The following DNAH14 variants were observed in gnomAD, a reference collection of about 807,000 sequenced individuals.
DNAH14 encodes the protein dynein axonemal heavy chain 14.
In DNAH14, 478 loss-of-function variants were observed where a neutral mutation model predicts 520.9. The observed-to-expected ratio is 0.92, with a 90% CI of 0.85 to 0.99. The LOEUF (loss-of-function observed/expected upper bound fraction) is 0.99. DNAH14 is among the 50% of genes least tolerant of loss of function. DNAH14 has a pLI of 0.00. For missense variants in DNAH14, 4,831 were observed against 5,234.5 expected (o/e 0.92, Z 2.38); for synonymous variants, 1,581 against 1,757.2 (o/e 0.90, Z 2.51).
At chr1:224,943,267 C>T (rs2059551604) in intron 1 of DNAH14, among the ~76,000 whole-genome samples, 1 of 152,134 alleles carries the variant, frequency 6.6e-6, no homozygotes, top group Non-Finnish European at 1.5e-5. Flanking sequence ...TCCATTTCTT[C>T]TAGTTTATTT....
At chr1:225,368,584 T>G (rs2095581115) in intron 77 of DNAH14, among the ~76,000 whole-genome samples, 1 of 152,214 alleles carries the variant, frequency 6.6e-6, no homozygotes, top group African/African-American at 2.4e-5. Flanking sequence ...TATTGCTAAA[T>G]TAAACACGTG....
chr1:225,044,602 A>T (rs1442741663), intron 15 of DNAH14, among the ~76,000 whole-genome samples: 2 of 152,170 alleles, frequency 1.3e-5, no homozygotes, highest in Non-Finnish European at 2.9e-5. Context: ...ATGCTTTGTA[A>T]CTACCACCAC....
At chr1:225,025,905 ATTGAACATCTTTGCATGTGCTT>A (rs1158031765) in intron 11 of DNAH14, among the ~76,000 whole-genome samples, 1 of 152,174 alleles carries the variant, frequency 6.6e-6, no homozygotes, top group Admixed American at 6.6e-5. Flanking sequence ...GACTAATGAT[ATTGAACATCTTTGCATGTGCTT>A]TTTGGCCATT....
intron 17 of DNAH14, among the ~76,000 whole-genome samples, 168 bp downstream of exon 17, chr1:225,051,963 A>G (rs2068580129): frequency 6.6e-6 from 1 of 152,232 alleles, no homozygotes; most frequent in South Asian, 2.1e-4. Flanking sequence ...TTTAATGTGT[A>G]TTACATTTGT....
intron 7 of DNAH14, 52 bp from the exon 8 acceptor site, chr1:224,974,039 T>C: frequency 8.1e-7 from 1 of 1,228,378 alleles, no homozygotes; most frequent in Non-Finnish European, 1.1e-6. Context: ...ATTTATTCCA[T>C]ATAAATACGT....
intron 27 of DNAH14, among the ~76,000 whole-genome samples, chr1:225,138,790 C>G (rs956110722): frequency 6.6e-6 from 1 of 152,244 alleles, no homozygotes; most frequent in African/African-American, 2.4e-5. Flanking sequence ...TGTTGTCCCC[C>G]CTCCCCAACC....
chr1:225,378,607 C>T (rs972571981), intron 79 of DNAH14, among the ~76,000 whole-genome samples: 4 of 152,114 alleles, frequency 2.6e-5, no homozygotes, highest in African/African-American at 7.2e-5. Flanking sequence ...CCTGGCCGGG[C>T]GCGGTGGGCT....
At position 225,023,863 on chromosome 1, in the gene DNAH14, C is replaced by G; in HGVS notation, c.1356C>G (p.Ile452Met). ...FSVEKKNENL[I>M]RTFKDNSFPT... Reference sequence around the variant, plus strand: ...TGGAAAAAAAGAATGAAAATCTTATCAGGTAAATTACTTTTTTGAAGTCAA... The same window carrying G: ...TGGAAAAAAAGAATGAAAATCTTATGAGGTAAATTACTTTTTTGAAGTCAA... Residue 452 changes from isoleucine to methionine, a missense_variant and splice_region_variant, in exon 11 of 86, where the codon ATC becomes ATG. Ile to Met is a conservative substitution (Grantham distance 10). Transcript: ENST00000682510. The G allele has an allele frequency of 6.6e-7, 1 of 1,526,180 alleles. No homozygotes were observed. Among genetic ancestry groups the G allele is most frequent in the Non-Finnish European group, 8.8e-7 (1 of 1,133,364 alleles). 94.5% of individuals were successfully genotyped at this position (1,526,180 alleles called of 1,614,324 possible).
chr1:224,975,754 C>T (rs999675630), intron 8 of DNAH14, among the ~76,000 whole-genome samples: 1 of 151,222 alleles, frequency 6.6e-6, no homozygotes, highest in African/African-American at 2.5e-5. Context: ...TTAGTTATTT[C>T]TTGCCTTCTG....
intron 1 of DNAH14, among the ~76,000 whole-genome samples, chr1:224,936,246 CAT>C (rs953339499): frequency 1.3e-5 from 2 of 151,294 alleles, no homozygotes; most frequent in Non-Finnish European, 3.0e-5. Flanking sequence ...GACTAAAAAA[CAT>C]AGAGGATCAA....
intron 11 of DNAH14, among the ~76,000 whole-genome samples, chr1:225,037,624 A>T (rs575472894): frequency 6.6e-6 from 1 of 152,216 alleles, no homozygotes; most frequent in East Asian, 1.9e-4. Context: ...TCAGTTCTTC[A>T]TCTTTCTGCT....
intron 36 of DNAH14, among the ~76,000 whole-genome samples, chr1:225,174,927 A>C (rs893391821): frequency 6.6e-6 from 1 of 152,172 alleles, no homozygotes; most frequent in African/African-American, 2.4e-5. Context: ...CATCAATAGT[A>C]ATGATAAGGT....
intron 38 of DNAH14, among the ~76,000 whole-genome samples, chr1:225,194,377 A>T (rs574856209): frequency 6.6e-6 from 1 of 152,296 alleles, no homozygotes; most frequent in South Asian, 2.1e-4. Context: ...CAACCATCTG[A>T]TCTTTGACAA....
chr1:225,253,397 C>T (rs1024741034), intron 44 of DNAH14, among the ~76,000 whole-genome samples: 22 of 152,272 alleles, frequency 1.4e-4, no homozygotes, highest in African/African-American at 5.3e-4. Flanking sequence ...CTGGCTGCCA[C>T]TTCCTCTAAT....
intron 38 of DNAH14, among the ~76,000 whole-genome samples, chr1:225,203,619 A>G (rs578198952): frequency 1.0e-3 from 159 of 152,350 alleles, no homozygotes; most frequent in African/African-American, 3.3e-3. Context: ...GTTAATATAC[A>G]TACATCAGAA....
At chr1:225,185,796 G>A (rs2084631148) in intron 37 of DNAH14, among the ~76,000 whole-genome samples, 2 of 151,160 alleles carry the variant, frequency 1.3e-5, no homozygotes, top group Non-Finnish European at 3.0e-5. Context: ...TAATTTCCAA[G>A]TTAACATTAA....
In DNAH14 at chr1:225,117,767, C is replaced by CAGA; in HGVS notation, c.3953_3955dup (p.Arg1318dup). ...AGCTTCTTGATATTCTAGCTGATAG[C>CAGA]AGAAATCCTGAGTCTGTACAGGTAA... On this transcript the variant is annotated inframe_insertion, in exon 24 of 86. Coordinates refer to ENST00000682510, the MANE Select transcript of DNAH14 (RefSeq NM_001367479.1). 6.4e-7 allele frequency: 1 copy of CAGA among 1,550,534 alleles called. No homozygotes were observed. The highest frequency in any genetic ancestry group is 2.4e-5 in the East Asian group (1 of 40,888).
At chr1:225,169,172 T>C (rs1573664116) in intron 36 of DNAH14, among the ~76,000 whole-genome samples, 1 of 151,736 alleles carries the variant, frequency 6.6e-6, no homozygotes, top group Non-Finnish European at 1.5e-5. Context: ...AGACCAAAGG[T>C]AGATAAAACC....
At position 224,967,824 on chromosome 1, in the gene DNAH14, T is replaced by G. The variant is rs781777256; in HGVS notation, c.651+241T>G. 80 of 1,328,960 alleles carry G rather than the reference T, an allele frequency of 6.0e-5. No homozygotes were observed. The Middle Eastern group carries it at 1.1e-3, about 19-fold the overall frequency. 82.3% of individuals were successfully genotyped at this position (1,328,960 alleles called of 1,614,324 possible). A position where few individuals can be genotyped will look rare whatever the true frequency, so the allele number is the denominator to read the frequency against. On this transcript the variant is annotated intron_variant, in intron 6 of 85. Transcript: ENST00000682510. ...ATTTTTTCATCTATCAAATACTTTG[T>G]TAATACTTGGGGTAAATTTTTACAG...
Sources: gnomAD v4.1 joint callset for allele counts (sites outside exome capture counted in the v4.1 genomes callset) on GRCh38, gnomAD v4.1.1 for gene constraint, MANE v1.5 for transcripts, NCBI Gene and HGNC (gene_info 2026-07-23, HGNC 2026-07-21) for gene names.